Variants in PTPRS observed in about 807,000 individuals in gnomAD.
The protein encoded by PTPRS is receptor-type tyrosine-protein phosphatase S.
In PTPRS, 63 loss-of-function variants were observed where a neutral mutation model predicts 215.3. The observed-to-expected ratio is 0.29, with a 90% CI of 0.24 to 0.36. PTPRS has a LOEUF of 0.36. PTPRS is among the 10% of genes least tolerant of loss of function. The probability of loss-of-function intolerance (pLI) is 1.00; values close to 1 mark genes in which losing one functional copy is unlikely to be tolerated. For synonymous variants in PTPRS, 1,404 were observed against 1,191.4 expected (o/e 1.18, Z -3.68); for missense variants, 2,258 against 2,825.8 (o/e 0.80, Z 4.56).
chr19:5,328,574 A>G (rs2050232314), intron 1 of PTPRS, among the ~76,000 whole-genome samples: 2 of 152,164 alleles, frequency 1.3e-5, no homozygotes, highest in Non-Finnish European at 2.9e-5. Flanking sequence ...GATATTCATC[A>G]GCTCAGAGAG....
intron 2 of PTPRS, among the ~76,000 whole-genome samples, chr19:5,279,623 G>A (rs765825517): frequency 6.1e-4 from 92 of 152,016 alleles, no homozygotes; most frequent in Admixed American, 9.8e-4. Flanking sequence ...CTCCCATCTC[G>A]GTCTCCCAAA....
intron 1 of PTPRS, among the ~76,000 whole-genome samples, chr19:5,302,788 T>A (rs1600077245): frequency 6.6e-6 from 1 of 151,250 alleles, no homozygotes; most frequent in Admixed American, 6.6e-5. Flanking sequence ...CCAGGCGTGG[T>A]GGCTCACGCC....
rs779055431 is a variant in PTPRS at position 5,218,476 on chromosome 19, G to A, written c.3992C>T (p.Ala1331Val). 8.1e-6 allele frequency: 13 copies of A among 1,614,140 alleles called. No homozygotes were observed. The highest frequency in any genetic ancestry group is 1.1e-5 in the Non-Finnish European group (13 of 1,180,016). Reference sequence around the variant, plus strand: ...CACAGGGTCCTTGGGGTGGTGAGGGGCGAGGTCGGCATTGTTCAGGAGGCA... The same window carrying A: ...CACAGGGTCCTTGGGGTGGTGAGGGACGAGGTCGGCATTGTTCAGGAGGCA... ...TKCLLNNADL[A>V]PHHPKDPVEM... The change falls in exon 25 of 38, where the codon GCC (alanine) becomes GTC (valine). Residue 1331 changes from alanine to valine, a missense_variant. Around this residue, in one of 6 missense-constraint regions of PTPRS, gnomAD observed 927 missense variants for 1,125.9 expected, o/e 0.82. Coordinates refer to ENST00000262963, the MANE Select transcript of PTPRS (RefSeq NM_002850.4).
At chr19:5,286,584 G>T (rs555011652) in intron 1 of PTPRS, among the ~76,000 whole-genome samples, 3 of 152,108 alleles carry the variant, frequency 2.0e-5, no homozygotes, top group African/African-American at 4.8e-5. Flanking sequence ...TTTCTGCCAC[G>T]TGAGGACACA....
At chr19:5,280,325 G>C (rs1356336732) in intron 2 of PTPRS, among the ~76,000 whole-genome samples, 1 of 152,210 alleles carries the variant, frequency 6.6e-6, no homozygotes, top group Non-Finnish European at 1.5e-5. Context: ...ACAAAACAGA[G>C]TTCCTGCCCC....
chr19:5,235,325 G>A (rs565659743), intron 13 of PTPRS, among the ~76,000 whole-genome samples: 18 of 152,084 alleles, frequency 1.2e-4, no homozygotes, highest in East Asian at 9.6e-4. Flanking sequence ...ACCTGGCACC[G>A]TGTGCCAGGC....
At chr19:5,211,523 G>A (rs1171994063) in intron 33 of PTPRS, 67 bp downstream of exon 33, 15 of 1,495,076 alleles carry the variant, frequency 1.0e-5, no homozygotes, top group Non-Finnish European at 1.2e-5. Flanking sequence ...CCACAAGACT[G>A]GAGGCCTCTT....
intron 4 of PTPRS, among the ~76,000 whole-genome samples, chr19:5,266,252 CG>C (rs992574180): frequency 1.0e-5 from 1 of 100,116 alleles, no homozygotes; most frequent in African/African-American, 2.9e-5. Context: ...GAGTGAGACT[CG>C]GTCTCAAAAA....
rs113625863 is a variant in PTPRS, at chr19:5,205,800, C to T, written c.*974G>A. On this transcript the variant is annotated 3_prime_UTR_variant, in exon 38 of 38. Coordinates refer to ENST00000262963, the MANE Select transcript of PTPRS (RefSeq NM_002850.4). ...AGGATCCTCTCTGTCTCCTTGGGGGCGGGAGACGGGGAGACAGCTCAGGCT... is the reference window on the plus strand; with the variant it reads ...AGGATCCTCTCTGTCTCCTTGGGGGTGGGAGACGGGGAGACAGCTCAGGCT... 6.6e-6 allele frequency among the ~76,000 whole-genome samples: 1 copy of T among 151,938 alleles called. No individual in the cohort carries two copies. The highest frequency in any genetic ancestry group is 2.1e-4 in the South Asian group (1 of 4,826).
At chr19:5,219,498 T>G (rs1388721484) in intron 22 of PTPRS, 31 bp from the exon 23 acceptor site, 2 of 1,536,702 alleles carry the variant, frequency 1.3e-6, no homozygotes, top group African/African-American at 2.8e-5. Context: ...TCTCCATCAG[T>G]GTCCACCCTC....
chr19:5,253,592 C>T (rs942860506), intron 9 of PTPRS, among the ~76,000 whole-genome samples: 2 of 152,070 alleles, frequency 1.3e-5, no homozygotes, highest in East Asian at 1.9e-4. Context: ...CTGGGTAGTC[C>T]GCTGATCTCA....
At chr19:5,308,227 C>T (rs953190434) in intron 1 of PTPRS, among the ~76,000 whole-genome samples, 1 of 152,184 alleles carries the variant, frequency 6.6e-6, no homozygotes, top group African/African-American at 2.4e-5. Context: ...TTCCCCTCGA[C>T]GCTGCCACCC....
chr19:5,296,925 G>A (rs557983832), intron 1 of PTPRS, among the ~76,000 whole-genome samples: 46 of 152,210 alleles, frequency 3.0e-4, no homozygotes, highest in Non-Finnish European at 4.4e-4. Flanking sequence ...GGCTGGACTG[G>A]GTAGAGGATG....
rs564812576 is a variant in PTPRS at position 5,239,755 on chromosome 19, G to GA, written c.1704+443dup. On this transcript the variant is annotated intron_variant, in intron 12 of 37. Transcript: ENST00000262963. Reference sequence around the variant, plus strand: ...ATACAGAGACAGAGACAGAGAGACAGAAAGAGAGGCAGAGGGATAGAAACA... The same window carrying GA: ...ATACAGAGACAGAGACAGAGAGACAGAAAAGAGAGGCAGAGGGATAGAAACA... Among the ~76,000 whole-genome samples, 244 of 152,002 alleles carry GA rather than the reference G, an allele frequency of 1.6e-3. 1 individual carries two copies. Among genetic ancestry groups the GA allele is most frequent in the African/African-American group, 5.8e-3 (242 of 41,448 alleles).
intron 12 of PTPRS, among the ~76,000 whole-genome samples, chr19:5,239,706 TAGAG>T (rs555879574): frequency 6.2e-4 from 72 of 116,536 alleles, no homozygotes; most frequent in Non-Finnish European, 3.4e-4. Context: ...GAGACAGAAA[TAGAG>T]AGAGAGGAGA....
chr19:5,208,691 C>T (rs1473200334), intron 35 of PTPRS, among the ~76,000 whole-genome samples: 2 of 152,126 alleles, frequency 1.3e-5, no homozygotes, highest in Non-Finnish European at 2.9e-5. Flanking sequence ...TTTACCCTGA[C>T]AACTTACCGT....
chr19:5,283,485 G>A (rs953209023), intron 2 of PTPRS, among the ~76,000 whole-genome samples: 2 of 152,122 alleles, frequency 1.3e-5, no homozygotes, highest in Non-Finnish European at 1.5e-5. Context: ...GCTGAGGCAC[G>A]AGAATCACTT....
chr19:5,317,942 C>T (rs890661367), intron 1 of PTPRS, among the ~76,000 whole-genome samples: 3 of 152,170 alleles, frequency 2.0e-5, no homozygotes, highest in Admixed American at 6.5e-5. Context: ...GATGCCGAGG[C>T]GGGCGGACCA....
At chr19:5,277,673 G>A (rs1310667899) in intron 2 of PTPRS, 11 of 489,858 alleles carry the variant, frequency 2.2e-5, no homozygotes, top group Non-Finnish European at 3.8e-5. Flanking sequence ...AAAAAAAGGA[G>A]GAAAAGCCTC....
Sources: gnomAD v4.1 joint callset for allele counts (sites outside exome capture counted in the v4.1 genomes callset) on GRCh38, gnomAD v4.1.1 for gene constraint, gnomAD v4.1.1 regional missense constraint, MANE v1.5 for transcripts, NCBI Gene and HGNC (gene_info 2026-07-23, HGNC 2026-07-21) for gene names.